Variants in R3HDM1 observed in about 807,000 individuals in gnomAD.
R3HDM1 encodes R3H domain-containing protein 1.
R3HDM1 carries 46 observed loss-of-function variants against 141.1 expected under a neutral mutation model. That is an observed-to-expected ratio of 0.33 (90% CI 0.26 to 0.42). R3HDM1 has a LOEUF of 0.42. Among genes scored for constraint, R3HDM1 ranks in the 10% least tolerant of loss-of-function variants. The probability of loss-of-function intolerance (pLI) is 1.00; values close to 1 mark genes in which losing one functional copy is unlikely to be tolerated. For missense variants in R3HDM1, 1,184 were observed against 1,368.3 expected (o/e 0.87, Z 2.12); for synonymous variants, 435 against 472.9 (o/e 0.92, Z 1.04).
chr2:135,657,552 C>G (rs1020295712), intron 18 of R3HDM1, among the ~76,000 whole-genome samples: 1 of 152,090 alleles, frequency 6.6e-6, no homozygotes, highest in Admixed American at 6.5e-5. Flanking sequence ...GACAGGAGAT[C>G]TACGGTAAAC....
Position 135,641,754 on chromosome 2 carries a change from A to C in R3HDM1, c.1438A>C (p.Ile480Leu). The change falls in exon 15 of 27, where the codon ATA (isoleucine) becomes CTA (leucine). Residue 480 changes from isoleucine to leucine, a missense_variant. Around this residue, in one of 5 missense-constraint regions of R3HDM1, gnomAD observed 563 missense variants for 562.0 expected, o/e 1.00. Coordinates refer to ENST00000683871, the MANE Select transcript of R3HDM1 (RefSeq NM_001378107.1). ...TTTGCTTCCCTTGGAAGCGGCAGGC[A>C]TACCACCTGGCAGTATTCTGATCAA... ...FFLLPLEAAG[I>L]PPGSILINPQ... 6.2e-7 allele frequency: 1 copy of C among 1,614,144 alleles called. No individual in the cohort carries two copies. Among genetic ancestry groups the C allele is most frequent in the Non-Finnish European group, 8.5e-7 (1 of 1,179,986 alleles).
chr2:135,566,799 C>A, intron 1 of R3HDM1: 1 of 983,068 alleles, frequency 1.0e-6, no homozygotes, highest in Admixed American at 6.1e-5. Context: ...CATGGTGAAA[C>A]CCCGTCTCTA....
At chr2:135,549,954 T>A in intron 1 of R3HDM1, 1 of 945,356 alleles carries the variant, frequency 1.1e-6, no homozygotes, top group Non-Finnish European at 1.3e-6. Flanking sequence ...GTGTAACTTT[T>A]GTATTATAAA....
Position 135,560,495 on chromosome 2 carries a change from G to T in R3HDM1, c.-250+28862G>T, listed in dbSNP as rs140232608. Among the ~76,000 whole-genome samples the T allele has an allele frequency of 3.2e-3, 485 of 152,162 alleles. 3 individuals carry two copies. The highest frequency in any genetic ancestry group is 6.1e-3 in the Non-Finnish European group (415 of 68,006). Reference sequence around the variant, plus strand: ...CATCCGGCTAATTTTTGTATTTTTAGTAGAGACGGGGTTTCACCACGTTGA... The same window carrying T: ...CATCCGGCTAATTTTTGTATTTTTATTAGAGACGGGGTTTCACCACGTTGA... On this transcript the variant is annotated intron_variant, in intron 1 of 26. Transcript: ENST00000683871.
At chr2:135,622,861 G>T in intron 7 of R3HDM1, 129 bp downstream of exon 7, 2 of 1,348,146 alleles carry the variant, frequency 1.5e-6, no homozygotes, top group Non-Finnish European at 9.5e-7. Flanking sequence ...AAACATTTTA[G>T]TTTTTTAGGG....
intron 23 of R3HDM1, among the ~76,000 whole-genome samples, chr2:135,712,940 A>T (rs757904092): frequency 1.2e-4 from 18 of 151,082 alleles, no homozygotes; most frequent in South Asian, 6.3e-4. Context: ...AAATAAAAAT[A>T]AAAAAAATCC....
chr2:135,535,293 G>T (rs1695820479), intron 1 of R3HDM1, among the ~76,000 whole-genome samples: 1 of 152,188 alleles, frequency 6.6e-6, no homozygotes, highest in South Asian at 2.1e-4. Context: ...AAGGTCAGCA[G>T]TTCGAGACCA....
At chr2:135,649,852 T>C in intron 16 of R3HDM1, 50 bp from the exon 17 acceptor site, 1 of 1,073,116 alleles carries the variant, frequency 9.3e-7, no homozygotes, top group Non-Finnish European at 1.2e-6. Context: ...GCAATTCTTC[T>C]AACGTTTTAT....
At chr2:135,687,364 G>A (rs2071534555) in intron 21 of R3HDM1, among the ~76,000 whole-genome samples, 1 of 152,190 alleles carries the variant, frequency 6.6e-6, no homozygotes, top group African/African-American at 2.4e-5. Context: ...TTTGCCTATA[G>A]TCATATTGTG....
chr2:135,622,599 A>G lies in R3HDM1; in HGVS notation c.419-55A>G. ...ATATATACATCATGTGTAAAAGGGA[A>G]TGGGACTTGTTTTCAAACAACTTTA... On this transcript the variant is annotated intron_variant, in intron 6 of 26. Transcript: ENST00000683871. 5 of 1,522,850 alleles carry G rather than the reference A, an allele frequency of 3.3e-6. No individual in the cohort carries two copies. In the East Asian group the frequency reaches 7.1e-5, roughly 22 times the overall value. 94.3% of individuals were successfully genotyped at this position (1,522,850 alleles called of 1,614,324 possible).
At chr2:135,699,032 TAGATAGATAGATAAGA>T (rs1259956052) in intron 21 of R3HDM1, among the ~76,000 whole-genome samples, 143 of 95,502 alleles carry the variant, frequency 1.5e-3, no homozygotes, top group African/African-American at 5.1e-3. Context: ...GATAGATAGA[TAGATAGATAGATAAGA>T]TAGATAAGAT....
At chr2:135,534,668 G>A (rs770445374) in intron 1 of R3HDM1, among the ~76,000 whole-genome samples, 20 of 152,188 alleles carry the variant, frequency 1.3e-4, no homozygotes, top group Admixed American at 3.3e-4. Context: ...GTATATATAT[G>A]GTGGGCCTCC....
At chr2:135,710,288 T>C (rs1162431409) in intron 23 of R3HDM1, 57 bp downstream of exon 23, 11 of 1,532,314 alleles carry the variant, frequency 7.2e-6, no homozygotes, top group Middle Eastern at 1.7e-4. Context: ...TACCTAAGAT[T>C]GACTTATAAG....
intron 21 of R3HDM1, among the ~76,000 whole-genome samples, chr2:135,684,263 G>C (rs1214861535): frequency 3.9e-5 from 6 of 151,978 alleles, no homozygotes; most frequent in Non-Finnish European, 8.8e-5. Flanking sequence ...GCTAATTTTT[G>C]TATTTTTAGT....
chr2:135,593,541 A>C (rs72988448), intron 1 of R3HDM1, among the ~76,000 whole-genome samples: 10,349 of 152,040 alleles, frequency 0.068, 720 homozygotes, highest in African/African-American at 0.18. Context: ...TCATGAGCTC[A>C]AGAACAGCCG....
chr2:135,684,333 C>T (rs542635500), intron 21 of R3HDM1, among the ~76,000 whole-genome samples: 43 of 152,262 alleles, frequency 2.8e-4, no homozygotes, highest in Admixed American at 9.8e-4. Flanking sequence ...TCGTGATCCG[C>T]CCACCGTGGC....
chr2:135,590,374 C>T (rs2105060068), intron 1 of R3HDM1: 1 of 202,902 alleles, frequency 4.9e-6, no homozygotes, highest in African/African-American at 2.4e-5. Flanking sequence ...AGAATGCTGG[C>T]TAAACCACAG....
At chr2:135,691,970 G>T (rs1162942135) in intron 21 of R3HDM1, among the ~76,000 whole-genome samples, 1 of 151,872 alleles carries the variant, frequency 6.6e-6, no homozygotes, top group African/African-American at 2.4e-5. Flanking sequence ...GAGGGCAGTG[G>T]TGAGATCTCA....
At chr2:135,577,507 A>G (rs1705735806) in intron 1 of R3HDM1, among the ~76,000 whole-genome samples, 1 of 151,410 alleles carries the variant, frequency 6.6e-6, no homozygotes, top group African/African-American at 2.4e-5. Flanking sequence ...TGGACAACTC[A>G]CAAACAATGA....
Sources: gnomAD v4.1 joint callset for allele counts (sites outside exome capture counted in the v4.1 genomes callset) on GRCh38, gnomAD v4.1.1 for gene constraint, gnomAD v4.1.1 regional missense constraint, MANE v1.5 for transcripts, NCBI Gene and HGNC (gene_info 2026-07-23, HGNC 2026-07-21) for gene names.